The following KAZN variants were observed in gnomAD, a reference collection of about 807,000 sequenced individuals.
KAZN encodes kazrin, periplakin interacting protein.
A neutral mutation model predicts 87.4 loss-of-function variants in KAZN; 40 were observed. The observed-to-expected ratio is 0.46, with a 90% CI of 0.36 to 0.60. The LOEUF (loss-of-function observed/expected upper bound fraction) is 0.60, where lower values mean the gene tolerates loss of function less well. Ranked by LOEUF, KAZN falls within the 20% of genes least tolerant of loss-of-function variation. The probability of loss-of-function intolerance (pLI) is 0.00; values close to 1 mark genes in which losing one functional copy is unlikely to be tolerated. For missense variants in KAZN, 898 were observed against 1,073.9 expected, an observed-to-expected ratio of 0.84 and a Z score of 2.29; for synonymous variants, 466 against 458.3, an observed-to-expected ratio of 1.02 and a Z score of -0.22.
At chr1:14,157,546 TGCCACTCTCTCCTG>T (rs995577408) in intron 1 of KAZN, among the ~76,000 whole-genome samples, 4 of 152,194 alleles carry the variant, frequency 2.6e-5, no homozygotes, top group African/African-American at 9.6e-5. Context: ...AAATATGTCT[TGCCACTCTCTCCTG>T]GCCTGTAAGG....
intron 1 of KAZN, among the ~76,000 whole-genome samples, chr1:14,958,754 A>C (rs1663480005): frequency 6.6e-6 from 1 of 152,136 alleles, no homozygotes; most frequent in South Asian, 2.1e-4. Context: ...CTCTACCTGC[A>C]TGTGTCCGGT....
At position 14,707,451 on chromosome 1, in the gene KAZN, G is replaced by A. The variant is rs565942013; in HGVS notation, c.226+108228G>A. Reference sequence around the variant, plus strand: ...TCCCGAGAGCTGCACCAAGCTGGGAGTTTCTCTCCGGCCATCAACTTTCTT... The same window carrying A: ...TCCCGAGAGCTGCACCAAGCTGGGAATTTCTCTCCGGCCATCAACTTTCTT... On this transcript the variant is annotated intron_variant, in intron 1 of 14. Coordinates refer to ENST00000376030, the MANE Select transcript of KAZN (RefSeq NM_201628.3). Among the ~76,000 whole-genome samples, 37 of 152,316 alleles carry A rather than the reference G, an allele frequency of 2.4e-4. No individual in the cohort carries two copies. In the Middle Eastern group the frequency reaches 0.024, roughly 98 times the overall value.
chr1:14,314,135 A>G (rs757920866), intron 2 of KAZN, among the ~76,000 whole-genome samples: 30 of 152,150 alleles, frequency 2.0e-4, no homozygotes, highest in Non-Finnish European at 4.1e-4. Context: ...CTTTACATGT[A>G]AATACCTTCT....
At chr1:14,244,324 A>G (rs1433881263) in intron 2 of KAZN, among the ~76,000 whole-genome samples, 1 of 152,188 alleles carries the variant, frequency 6.6e-6, no homozygotes, top group Non-Finnish European at 1.5e-5. Context: ...TACTTTCTCT[A>G]CAGAAGAAGT....
intron 2 of KAZN, among the ~76,000 whole-genome samples, chr1:14,389,010 A>C (rs1662192837): frequency 2.6e-5 from 4 of 152,330 alleles, no homozygotes; most frequent in Middle Eastern, 6.8e-3. Flanking sequence ...AGGAAAAAAA[A>C]ATCTAATAAT....
chr1:14,536,114 T>C (rs1057058651), intron 2 of KAZN, among the ~76,000 whole-genome samples: 2 of 152,210 alleles, frequency 1.3e-5, no homozygotes, highest in African/African-American at 4.8e-5. Flanking sequence ...GGCTAGAGCA[T>C]GGTCAACCCA....
chr1:13,996,841 C>A (rs1019267438), intron 1 of KAZN, among the ~76,000 whole-genome samples: 1 of 152,126 alleles, frequency 6.6e-6, no homozygotes, highest in Admixed American at 6.5e-5. Context: ...CACCCCCCTC[C>A]GCAAAGGGAC....
rs994292899 is a variant in KAZN at position 14,326,726 on chromosome 1, T to A, written c.249+146134T>A. Among the ~76,000 whole-genome samples the A allele has an allele frequency of 2.0e-5, 3 of 152,168 alleles. No homozygotes were observed. The East Asian group carries it at 5.8e-4, about 29-fold the overall frequency. On this transcript the variant is annotated intron_variant, in intron 2 of 16. Transcript: ENST00000636203. ...CCCTGGACCCCTGAATGTCCCTTAA[T>A]CTTGGTAATCACTCTGCCACCTCAG...
intron 2 of KAZN, among the ~76,000 whole-genome samples, chr1:15,007,211 C>T (rs72867881): frequency 0.017 from 2,521 of 152,230 alleles, 73 homozygotes; most frequent in African/African-American, 0.057. Flanking sequence ...CCTTTGGCAA[C>T]AACTCTGAGA....
chr1:15,015,833 C>T lies in KAZN; in HGVS notation c.419-18916C>T, dbSNP rs74060154. 9.3e-3 allele frequency among the ~76,000 whole-genome samples: 1,417 copies of T among 152,248 alleles called. 27 individuals are homozygous for T. The highest frequency in any genetic ancestry group is 0.033 in the African/African-American group (1,360 of 41,512). ...CCAAGCCACTGTCTTGCTTCCTGAG[C>T]AGCAGCAAAACCCTGACCGGCCTAC... On this transcript the variant is annotated intron_variant, in intron 2 of 14. Transcript: ENST00000376030.
chr1:14,906,901 A>G (rs1267031402), intron 1 of KAZN, among the ~76,000 whole-genome samples: 2 of 151,702 alleles, frequency 1.3e-5, no homozygotes, highest in Non-Finnish European at 2.9e-5. Flanking sequence ...GAGATTTACA[A>G]ATGCTGAGAT....
chr1:14,784,822 T>G (rs1645458368), intron 1 of KAZN, among the ~76,000 whole-genome samples: 1 of 152,132 alleles, frequency 6.6e-6, no homozygotes, highest in Non-Finnish European at 1.5e-5. Flanking sequence ...AAAGGGTGAT[T>G]CTGGGACAGG....
chr1:14,648,451 G>GT lies in KAZN; in HGVS notation c.226+49237dup, dbSNP rs199744581. Among the ~76,000 whole-genome samples the GT allele has an allele frequency of 4.2e-3, 643 of 151,530 alleles. 1 individual carries two copies. Among genetic ancestry groups the GT allele is most frequent in the Non-Finnish European group, 6.5e-3 (442 of 67,816 alleles). On this transcript the variant is annotated intron_variant, in intron 1 of 14. Transcript: ENST00000376030. ...GATTCTTTGATCAATAACCACAAGT[G>GT]TTTTTTTTTAACTTATGCAATGGTA... is the stretch of plus-strand genomic sequence containing the variant.
At chr1:14,952,449 GA>G (rs1662609505) in intron 1 of KAZN, among the ~76,000 whole-genome samples, 1 of 152,092 alleles carries the variant, frequency 6.6e-6, no homozygotes, top group Non-Finnish European at 1.5e-5. Flanking sequence ...CTATAAAAAT[GA>G]GTTTTTAATG....
At chr1:15,065,172 G>T (rs1025806641) in intron 7 of KAZN, among the ~76,000 whole-genome samples, 1 of 151,826 alleles carries the variant, frequency 6.6e-6, no homozygotes, top group African/African-American at 2.4e-5. Context: ...GGGATGACAG[G>T]TGCCTATCAC....
intron 2 of KAZN, among the ~76,000 whole-genome samples, chr1:14,557,841 A>C (rs2148522676): frequency 6.6e-6 from 1 of 152,286 alleles, no homozygotes. Flanking sequence ...TTGTCTTCCC[A>C]GCTCCTGCTA....
chr1:14,484,091 C>T (rs981216265), intron 2 of KAZN, among the ~76,000 whole-genome samples: 4 of 152,088 alleles, frequency 2.6e-5, no homozygotes, highest in Non-Finnish European at 4.4e-5. Flanking sequence ...GGATTTATTT[C>T]GGAGCTTTCT....
At chr1:15,067,574 G>C in intron 8 of KAZN, 6 of 985,462 alleles carry the variant, frequency 6.1e-6, no homozygotes, top group Non-Finnish European at 7.2e-6. Context: ...TCTGCTAACG[G>C]TGACATTTTC....
intron 8 of KAZN, among the ~76,000 whole-genome samples, chr1:15,090,582 C>T (rs1056597289): frequency 6.6e-6 from 1 of 152,236 alleles, no homozygotes; most frequent in Non-Finnish European, 1.5e-5. Flanking sequence ...CAGCTGCTGC[C>T]GTTTCCGCAT....
Sources: allele counts gnomAD v4.1 joint callset (sites outside exome capture counted in the v4.1 genomes callset), GRCh38; gene constraint gnomAD v4.1.1; transcripts MANE v1.5; gene names NCBI Gene and HGNC (gene_info 2026-07-23, HGNC 2026-07-21).